Variants in DRC8 observed in about 807,000 individuals in gnomAD.
DRC8 encodes dynein regulatory complex subunit 8.
chr1:245,080,179 A>G, the DRC8 span, among the ~76,000 whole-genome samples: 1 of 152,148 alleles, frequency 6.6e-6, no homozygotes, highest in Non-Finnish European at 1.5e-5. Flanking sequence ...ATCTGTCCAA[A>G]GCTCATCTGC....
the DRC8 span, among the ~76,000 whole-genome samples, chr1:245,003,931 A>G: frequency 1.3e-5 from 2 of 151,864 alleles, no homozygotes; most frequent in Non-Finnish European, 1.5e-5. Context: ...GGGTCTCCCT[A>G]TGTTGTCAGG....
the DRC8 span, among the ~76,000 whole-genome samples, chr1:245,019,064 C>T: frequency 1.3e-5 from 2 of 152,108 alleles, no homozygotes; most frequent in African/African-American, 4.8e-5. Context: ...GATGCCAGGC[C>T]TTTTTTGGTA....
chr1:245,062,543 A>G, the DRC8 span, among the ~76,000 whole-genome samples: 2 of 152,302 alleles, frequency 1.3e-5, no homozygotes, highest in African/African-American at 4.8e-5. Flanking sequence ...TTAGAGGTCT[A>G]TGTCTTCTGA....
chr1:244,991,611 C>G, the DRC8 span, among the ~76,000 whole-genome samples: 1 of 152,134 alleles, frequency 6.6e-6, no homozygotes. Context: ...TACATTATGA[C>G]TTTTAATCCT....
the DRC8 span, among the ~76,000 whole-genome samples, chr1:245,093,404 A>C: frequency 6.6e-6 from 1 of 152,092 alleles, no homozygotes; most frequent in Non-Finnish European, 1.5e-5. Context: ...TTTTTCTTAA[A>C]AAAGAAAAAT....
chr1:245,048,671 C>G, the DRC8 span, among the ~76,000 whole-genome samples: 91,839 of 151,500 alleles, frequency 0.61, 28,746 homozygotes, highest in East Asian at 0.73. Context: ...CTCCCTCTCT[C>G]CCCCGTTTCT....
chr1:245,059,869 T>C, the DRC8 span, among the ~76,000 whole-genome samples: 19 of 152,200 alleles, frequency 1.2e-4, no homozygotes, highest in Admixed American at 1.2e-3. Context: ...GAATGAACTT[T>C]ACATTGACCA....
chr1:245,082,450 A>G, the DRC8 span, among the ~76,000 whole-genome samples: 4 of 152,264 alleles, frequency 2.6e-5, no homozygotes, highest in Non-Finnish European at 5.9e-5. Flanking sequence ...TCAATGATAA[A>G]TAAGAATCCT....
the DRC8 span, among the ~76,000 whole-genome samples, chr1:245,057,041 T>A: frequency 6.6e-6 from 1 of 151,394 alleles, no homozygotes; most frequent in Admixed American, 6.6e-5. Context: ...AAAAGGGAAG[T>A]GATGTACGGA....
At chr1:245,006,998 G>C in the DRC8 span, among the ~76,000 whole-genome samples, 1 of 152,154 alleles carries the variant, frequency 6.6e-6, no homozygotes, top group Non-Finnish European at 1.5e-5. Context: ...GAAAGGTGTT[G>C]ATGATCAAAT....
the DRC8 span, among the ~76,000 whole-genome samples, chr1:245,051,865 G>C: frequency 1.3e-5 from 2 of 152,092 alleles, no homozygotes; most frequent in Non-Finnish European, 2.9e-5. Flanking sequence ...GCTTCTTTGA[G>C]GAGGAGCACT....
the DRC8 span, among the ~76,000 whole-genome samples, chr1:245,001,346 G>T: frequency 1.3e-5 from 2 of 152,140 alleles, no homozygotes; most frequent in African/African-American, 4.8e-5. Context: ...CTTTATAAAT[G>T]CCATGTTATA....
the DRC8 span, among the ~76,000 whole-genome samples, chr1:245,104,111 C>G: frequency 6.6e-6 from 1 of 152,128 alleles, no homozygotes; most frequent in Non-Finnish European, 1.5e-5. Context: ...GGAGCACAAC[C>G]AAACTGAGGT....
At chr1:245,064,966 G>T in the DRC8 span, among the ~76,000 whole-genome samples, 1 of 150,478 alleles carries the variant, frequency 6.6e-6, no homozygotes, top group Non-Finnish European at 1.5e-5. Context: ...TGTATTTTTT[G>T]GTTCCAGGAA....
At chr1:245,100,052 T>C in the DRC8 span, among the ~76,000 whole-genome samples, 1 of 152,202 alleles carries the variant, frequency 6.6e-6, no homozygotes, top group Non-Finnish European at 1.5e-5. Context: ...ATAAAGGCTC[T>C]TAAAAATTAC....
At chr1:245,114,319 G>A in the DRC8 span, among the ~76,000 whole-genome samples, 4 of 152,122 alleles carry the variant, frequency 2.6e-5, no homozygotes, top group Non-Finnish European at 4.4e-5. Flanking sequence ...AAAAAAATTA[G>A]CCAGGTGTGG....
the DRC8 span, chr1:244,970,523 T>G: frequency 6.7e-7 from 1 of 1,490,268 alleles, no homozygotes; most frequent in Non-Finnish European, 8.9e-7. Context: ...CCGGGTGGGG[T>G]GGGCCCTCGT....
At chr1:245,107,537 G>A in the DRC8 span, among the ~76,000 whole-genome samples, 1 of 152,202 alleles carries the variant, frequency 6.6e-6, no homozygotes, top group African/African-American at 2.4e-5. Context: ...GCATCTAAGA[G>A]CTCTAGGGGC....
the DRC8 span, among the ~76,000 whole-genome samples, chr1:245,059,866 C>T: frequency 6.6e-6 from 1 of 152,150 alleles, no homozygotes; most frequent in Non-Finnish European, 1.5e-5. Flanking sequence ...CAAGAATGAA[C>T]TTTACATTGA....
Sources: allele counts gnomAD v4.1 joint callset (sites outside exome capture counted in the v4.1 genomes callset), GRCh38; gene constraint gnomAD v4.1.1; transcripts MANE v1.5; gene names NCBI Gene and HGNC (gene_info 2026-07-23, HGNC 2026-07-21).